USE1: variants seen among roughly 807,000 people sequenced by gnomAD.
USE1 encodes unconventional SNARE in the ER 1.
A neutral mutation model predicts 37.6 loss-of-function variants in USE1; 32 were observed. The ratio of observed to expected loss-of-function variants is 0.85; its 90% CI spans 0.64 to 1.14. The LOEUF (loss-of-function observed/expected upper bound fraction) is 1.14. Among genes scored for constraint, USE1 ranks in the 50% most tolerant of loss-of-function variants. USE1 has a pLI of 0.00. For missense variants in USE1, 310 were observed against 332.2 expected (o/e 0.93, Z 0.52); for synonymous variants, 149 against 137.6 (o/e 1.08, Z -0.58).
In USE1 at chr19:17,216,250, G is replaced by A. The variant is rs776227898; in HGVS notation, c.313G>A (p.Ala105Thr). The change falls in exon 4 of 8, where the codon GCC (alanine) becomes ACC (threonine). Residue 105 changes from alanine (A) to threonine (T), a missense_variant. Coordinates refer to ENST00000263897, the MANE Select transcript of USE1 (RefSeq NM_018467.4). ...VPTTARERVP[A>T]TKTVHLQSRA... ...AACCACAGCCAGAGAGCGAGTGCCC[G>A]CCACAAAGACGGTGCATCTGCAGTC... 12 of 1,612,978 alleles carry A rather than the reference G, an allele frequency of 7.4e-6. No homozygotes were observed. Among genetic ancestry groups the A allele is most frequent in the South Asian group, 4.4e-5 (4 of 91,086 alleles).
chr19:17,217,910 TC>T, intron 5 of USE1: 2 of 297,508 alleles, frequency 6.7e-6, no homozygotes, highest in South Asian at 2.7e-5. Flanking sequence ...AGACTCCGTC[TC>T]AAAAAAAAAA....
chr19:17,215,827 T>A lies in USE1; in HGVS notation c.128T>A (p.Leu43Ter). The change falls in exon 2 of 8, where the codon TTG (leucine) becomes TAG (stop). Residue 43 changes from leucine (L) to a stop codon, truncating the protein, a stop_gained. Transcript: ENST00000263897. LOFTEE classifies it high-confidence loss of function. ...TACGTGGGAGCCCTAGAGGACATGT[T>A]GCAGGCCCTGAAGGTCCACGCGAGG... ...EKYVGALEDM[L>*]QALKVHASKP... 1 of 1,610,472 alleles carries A rather than the reference T, an allele frequency of 6.2e-7. No homozygotes were observed. Among genetic ancestry groups the A allele is most frequent in the Non-Finnish European group, 8.5e-7 (1 of 1,178,662 alleles).
chr19:17,215,609 G>A (rs1175738374), intron 1 of USE1, 102 bp downstream of exon 1: 16 of 1,436,706 alleles, frequency 1.1e-5, no homozygotes, highest in Non-Finnish European at 1.4e-5. Context: ...TAGCCTCTCG[G>A]GCAGCGCCCT....
At chr19:17,218,503 A>C (rs1599440469) in intron 6 of USE1, 112 bp downstream of exon 6, 1 of 1,358,296 alleles carries the variant, frequency 7.4e-7, no homozygotes, top group Non-Finnish European at 1.0e-6. Flanking sequence ...ATCTAAACCA[A>C]CCAGAAGCCA....
chr19:17,218,499 A>G, intron 6 of USE1, 108 bp downstream of exon 6: 1 of 1,437,376 alleles, frequency 7.0e-7, no homozygotes, highest in Non-Finnish European at 9.5e-7. Context: ...AAGGATCTAA[A>G]CCAACCAGAA....
chr19:17,217,526 G>T, intron 5 of USE1, 64 bp downstream of exon 5: 1 of 1,587,992 alleles, frequency 6.3e-7, no homozygotes, highest in Admixed American at 1.8e-5. Flanking sequence ...ATGTATCCTT[G>T]CTGCCCCGGG....
intron 2 of USE1, 61 bp from the exon 3 acceptor site, chr19:17,215,931 G>GGACC: frequency 6.3e-7 from 1 of 1,582,828 alleles, no homozygotes; most frequent in South Asian, 1.1e-5. Flanking sequence ...ATCCCAGCTG[G>GGACC]GACCCTTCCC....
In USE1 at chr19:17,219,666, C is replaced by G; in HGVS notation, c.633C>G (p.Asn211Lys). Residue 211 changes from asparagine to lysine, a missense_variant, in exon 8 of 8, where the codon AAC (asparagine) becomes AAG (lysine). Coordinates refer to ENST00000263897, the MANE Select transcript of USE1 (RefSeq NM_018467.4). Reference protein sequence around the residue: ...LSHSLKMADQNLEKLKTESER... With the variant: ...LSHSLKMADQKLEKLKTESER... ...ACTCACTGAAAATGGCGGACCAGAA[C>G]CTGGAGAAACTGAAGACGGAGTCAG... The G allele has an allele frequency of 6.2e-7, 1 of 1,610,590 alleles. No homozygotes were observed. The highest frequency in any genetic ancestry group is 8.5e-7 in the Non-Finnish European group (1 of 1,177,534).
At chr19:17,216,815 G>C (rs1568309084) in intron 4 of USE1, among the ~76,000 whole-genome samples, 2 of 151,834 alleles carry the variant, frequency 1.3e-5, no homozygotes. Flanking sequence ...CCCGTCTTTA[G>C]TAAAAATACA....
At chr19:17,216,715 C>A (rs548567792) in intron 4 of USE1, among the ~76,000 whole-genome samples, 1 of 152,160 alleles carries the variant, frequency 6.6e-6, no homozygotes, top group East Asian at 1.9e-4. Context: ...TGCGGCAGCT[C>A]ACGCCTGTAA....
In USE1 at chr19:17,217,474, T is replaced by G. The variant is rs1347170674; in HGVS notation, c.394+12T>G. 6.2e-7 allele frequency: 1 copy of G among 1,610,964 alleles called. No individual in the cohort carries two copies. Among genetic ancestry groups the G allele is most frequent in the Non-Finnish European group, 8.5e-7 (1 of 1,178,230 alleles). On this transcript the variant is annotated intron_variant, in intron 5 of 7. Coordinates refer to ENST00000263897, the MANE Select transcript of USE1 (RefSeq NM_018467.4). ...ACAGGACTCTGCAGGTGAGTCACCA[T>G]GAACACAACAGGACTTGAGGGCCAG...
At chr19:17,215,636 C>T (rs1236854452) in intron 1 of USE1, 129 bp downstream of exon 1, 46 of 1,348,464 alleles carry the variant, frequency 3.4e-5, no homozygotes, top group Non-Finnish European at 4.2e-5. Context: ...TCAGTCCCGC[C>T]ACGTCCACCT....
chr19:17,215,597 A>C lies in USE1; in HGVS notation c.102+90A>C, dbSNP rs534832416. 2.7e-6 allele frequency: 4 copies of C among 1,469,702 alleles called. No individual in the cohort carries two copies. The African/African-American group carries it at 4.2e-5, about 15-fold the overall frequency. The allele number at this position is 1,469,702 out of a possible 1,614,324, so 91.0% of individuals were successfully genotyped here. On this transcript the variant is annotated intron_variant, in intron 1 of 7. Transcript: ENST00000263897. ...CCACCTGGCCCGACTCCCCGGCCCC[A>C]GTAGCCTCTCGGGCAGCGCCCTTTC...
chr19:17,219,089 T>C, intron 6 of USE1, 124 bp from the exon 7 acceptor site: 2 of 1,365,824 alleles, frequency 1.5e-6, no homozygotes, highest in Non-Finnish European at 1.9e-6. Flanking sequence ...ATCATGCCAC[T>C]GCACTCCAGC....
At position 17,215,499 on chromosome 19, in the gene USE1, C is replaced by T. The variant is rs570053045; in HGVS notation, c.94C>T (p.Leu32=). 7.1e-6 allele frequency: 11 copies of T among 1,559,138 alleles called. No individual in the cohort carries two copies. In the Admixed American group the frequency reaches 1.2e-4, roughly 16 times the overall value. ...AEKRDPDEWR[L]EKYVGALEDM... is the part of the protein sequence containing the mutation. The stretch of plus-strand genomic sequence containing the variant: ...GAAACGGGACCCGGACGAGTGGCGC[C>T]TGGAGAAGGTGAGGGGATCTCGCAC... The change falls in exon 1 of 8, where the codon CTG becomes TTG. Residue 32 remains leucine, a synonymous_variant. Transcript: ENST00000263897.
At chr19:17,219,126 CAA>C (rs71180373) in intron 6 of USE1, 85 bp from the exon 7 acceptor site, 22,240 of 1,254,554 alleles carry the variant, frequency 0.018, no homozygotes, top group South Asian at 0.038. Flanking sequence ...GACTCTGTAT[CAA>C]AAAAAAAAAA....
intron 4 of USE1, among the ~76,000 whole-genome samples, chr19:17,217,176 C>T (rs1163473186): frequency 6.7e-6 from 1 of 149,490 alleles, no homozygotes; most frequent in African/African-American, 2.5e-5. Context: ...GCTCTTGTTG[C>T]CCAGGCTAGA....
At chr19:17,215,534 G>A in intron 1 of USE1, 27 bp downstream of exon 1, 6 of 1,548,864 alleles carry the variant, frequency 3.9e-6, no homozygotes, top group Non-Finnish European at 5.2e-6. Context: ...CTGCCGCGTA[G>A]AGCCCGACTC....
chr19:17,218,618 G>C (rs2073304921), intron 6 of USE1: 1 of 484,202 alleles, frequency 2.1e-6, no homozygotes, highest in Non-Finnish European at 3.6e-6. Flanking sequence ...CTGAGGCCAG[G>C]AGTTCAAGAC....
Sources: allele counts gnomAD v4.1 joint callset (sites outside exome capture counted in the v4.1 genomes callset), GRCh38; gene constraint gnomAD v4.1.1; transcripts MANE v1.5; gene names NCBI Gene and HGNC (gene_info 2026-07-23, HGNC 2026-07-21).